The following MYL7 variants were observed in gnomAD, a reference collection of about 807,000 sequenced individuals.
MYL7 encodes the protein myosin light chain 7, also known as myosin regulatory light chain 2, atrial isoform.
Under a neutral mutation model 22.5 loss-of-function variants are expected in MYL7, and 27 were observed. The ratio of observed to expected loss-of-function variants is 1.20; its 90% CI spans 0.89 to 1.66. MYL7 has a LOEUF of 1.66. Among genes scored for constraint, MYL7 ranks in the 40% most tolerant of loss-of-function variants. The pLI is 0.00. For missense variants in MYL7, 209 were observed against 226.8 expected (o/e 0.92, Z 0.50); for synonymous variants, 81 against 84.4 (o/e 0.96, Z 0.22).
rs945125828 is a variant in MYL7 at position 44,140,289 on chromosome 7, T to C, written c.298+34A>G. Reference sequence around the variant, plus strand: ...TCAGGCAGGGTGCAGGCTCCCTGCCTGGCCAAGGGTGCCCAGCTCTGTCCC... The same window carrying C: ...TCAGGCAGGGTGCAGGCTCCCTGCCCGGCCAAGGGTGCCCAGCTCTGTCCC... On this transcript the variant is annotated intron_variant, in intron 4 of 6. Coordinates refer to ENST00000223364, the MANE Select transcript of MYL7 (RefSeq NM_021223.3). 1.9e-6 allele frequency: 3 copies of C among 1,589,954 alleles called. No individual in the cohort carries two copies. The African/African-American group carries it at 4.0e-5, about 21-fold the overall frequency.
intron 4 of MYL7, 131 bp downstream of exon 4, chr7:44,140,191 GT>G: frequency 1.4e-6 from 1 of 730,072 alleles, no homozygotes; most frequent in Non-Finnish European, 2.3e-6. Context: ...GTGGGTCCAG[GT>G]GGGGTTCAGT....
rs1443366481 is a variant in MYL7, at chr7:44,139,688, G to T, written c.377+94C>A. ...GGCTGCACCCCAAAGAGCAGTGTAA[G>T]GCCCCGAAGCACAGGCAGCCCCCCT... On this transcript the variant is annotated intron_variant, in intron 5 of 6. Transcript: ENST00000223364. The T allele has an allele frequency of 8.9e-6, 14 of 1,573,874 alleles. No homozygotes were observed. In the East Asian group the frequency reaches 2.7e-4, roughly 30 times the overall value.
At chr7:44,141,149 T>C (rs2096265196) in intron 1 of MYL7, 75 bp from the exon 2 acceptor site, 1 of 1,564,974 alleles carries the variant, frequency 6.4e-7, no homozygotes, top group Admixed American at 1.7e-5. Context: ...TCATGCACAG[T>C]CCCAGAGCAT....
At position 44,140,763 on chromosome 7, in the gene MYL7, G is replaced by T. The variant is rs1039444400; in HGVS notation, c.142C>A (p.Arg48Ser). The change falls in exon 3 of 7, where the codon CGT becomes AGT. Residue 48 changes from arginine to serine, a missense_variant. Transcript: ENST00000223364. ...TCTGCCTTGCAGATGATGCCATCAC[G>T]ATTCTGGTCGATACAGCTGAAGGCC... ...KEAFSCIDQN[R>S]DGIICKADLR... 1.9e-6 allele frequency: 3 copies of T among 1,613,074 alleles called. No homozygotes were observed. The highest frequency in any genetic ancestry group is 2.7e-5 in the African/African-American group (2 of 74,844).
intron 4 of MYL7, 55 bp from the exon 5 acceptor site, chr7:44,139,915 C>G: frequency 6.6e-7 from 1 of 1,519,748 alleles, no homozygotes; most frequent in Non-Finnish European, 8.9e-7. Flanking sequence ...CCCAGGTCCC[C>G]CGCAGGAGGA....
At chr7:44,140,166 C>G (rs741033) in intron 4 of MYL7, among the ~76,000 whole-genome samples, 157 bp downstream of exon 4, 39,327 of 151,726 alleles carry the variant, frequency 0.26, 5,546 homozygotes, top group Non-Finnish European at 0.32. Flanking sequence ...TGGGTCATGG[C>G]CAGGAAGAGT....
chr7:44,141,134 A>C, intron 1 of MYL7, 60 bp from the exon 2 acceptor site: 3 of 1,573,572 alleles, frequency 1.9e-6, no homozygotes, highest in Admixed American at 1.7e-5. Context: ...TCCCCACCCC[A>C]CCCATCATGC....
rs575885460 is a variant in MYL7 at position 44,139,635 on chromosome 7, G to A, written c.378-66C>T. 6.4e-5 allele frequency: 101 copies of A among 1,575,908 alleles called. No individual in the cohort carries two copies. The South Asian group carries it at 7.0e-4, about 11-fold the overall frequency. ...GTGACTGCACAGGGAAGGTGGGTAC[G>A]GAGGCTCCCATGGCGCAGGGAAGGG... On this transcript the variant is annotated intron_variant, in intron 5 of 6. Coordinates refer to ENST00000223364, the MANE Select transcript of MYL7 (RefSeq NM_021223.3).
intron 5 of MYL7, 102 bp downstream of exon 5, chr7:44,139,679 GC>G: frequency 6.4e-6 from 10 of 1,563,864 alleles, no homozygotes; most frequent in Non-Finnish European, 7.8e-6. Context: ...ACCCCAAAGA[GC>G]AGTGTAAGGC....
intron 3 of MYL7, 122 bp from the exon 4 acceptor site, chr7:44,140,549 A>G (rs769547866): frequency 8.7e-7 from 1 of 1,150,804 alleles, no homozygotes; most frequent in Non-Finnish European, 1.2e-6. Flanking sequence ...TGGGTCGGGA[A>G]GGTGAAGTGG....
rs755832896 is a variant in MYL7 at position 44,140,370 on chromosome 7, G to C, written c.251C>G (p.Pro84Arg). The C allele has an allele frequency of 3.1e-6, 5 of 1,613,924 alleles. No individual in the cohort carries two copies. The highest frequency in any genetic ancestry group is 4.2e-6 in the Non-Finnish European group (5 of 1,179,984). ...LDAMLQEGKG[P>R]INFTVFLTLF... is the part of the protein sequence containing the mutation. ...CGTGAGGAAGACGGTGAAGTTGATG[G>C]GGCCCTTGCCCTCTTGCAGCATGGC... Residue 84 changes from proline to arginine, a missense_variant, in exon 4 of 7, where the codon CCC becomes CGC. Physicochemically the swap from Pro to Arg is moderately radical, Grantham distance 103. Coordinates refer to ENST00000223364, the MANE Select transcript of MYL7 (RefSeq NM_021223.3).
rs774782263 is a variant in MYL7, at chr7:44,141,083, CTG to C, written c.4-11_4-10del. ...CCCGCCTTCCTGCTGGCCTGCAACA[CTG>C]TGAGTAGGGAGGGGTCCTCTCCCCA... On this transcript the variant is annotated splice_polypyrimidine_tract_variant and intron_variant, in intron 1 of 6. Transcript: ENST00000223364. 2 of 1,613,640 alleles carry C rather than the reference CTG, an allele frequency of 1.2e-6. No individual in the cohort carries two copies. Among genetic ancestry groups the C allele is most frequent in the Non-Finnish European group, 1.7e-6 (2 of 1,179,614 alleles).
chr7:44,139,901 G>A, intron 4 of MYL7, 41 bp from the exon 5 acceptor site: 1 of 1,560,856 alleles, frequency 6.4e-7, no homozygotes, highest in East Asian at 2.3e-5. Flanking sequence ...CATGTCTCCA[G>A]CATCCCAGGT....
rs2096264556 is a variant in MYL7 at position 44,140,781 on chromosome 7, T to C, written c.124A>G (p.Ser42Gly). The C allele has an allele frequency of 6.2e-7, 1 of 1,612,758 alleles. No homozygotes were observed. The highest frequency in any genetic ancestry group is 1.7e-5 in the Admixed American group (1 of 59,906). ...CCATCACGATTCTGGTCGATACAGC[T>C]GAAGGCCTGTGGGATGGGGGCCTTC... The part of the protein sequence containing the change: ...AQIQEFKEAF[S>G]CIDQNRDGII... Residue 42 changes from serine to glycine, a missense_variant, in exon 3 of 7, where the codon AGC (serine) becomes GGC (glycine). Physicochemically the swap from Ser to Gly is moderately conservative, Grantham distance 56. Coordinates refer to ENST00000223364, the MANE Select transcript of MYL7 (RefSeq NM_021223.3).
At chr7:44,140,070 G>T (rs1300855402) in intron 4 of MYL7, among the ~76,000 whole-genome samples, 1 of 152,170 alleles carries the variant, frequency 6.6e-6, no homozygotes, top group East Asian at 1.9e-4. Flanking sequence ...TTTGGGGGTG[G>T]GGGCTGAAGG....
chr7:44,140,761 A>T lies in MYL7; in HGVS notation c.144T>A (p.Arg48=). 6.2e-7 allele frequency: 1 copy of T among 1,613,092 alleles called. No individual in the cohort carries two copies. Among genetic ancestry groups the T allele is most frequent in the Non-Finnish European group, 8.5e-7 (1 of 1,179,684 alleles). The change falls in exon 3 of 7, where the codon CGT becomes CGA. Residue 48 remains arginine, a synonymous_variant. Coordinates refer to ENST00000223364, the MANE Select transcript of MYL7 (RefSeq NM_021223.3). ...KEAFSCIDQN[R]DGIICKADLR... ...GGTCTGCCTTGCAGATGATGCCATC[A>T]CGATTCTGGTCGATACAGCTGAAGG...
In MYL7 at chr7:44,138,969, G is replaced by T. The variant is rs750931804; in HGVS notation, c.480C>A (p.Tyr160Ter). ...TPMDLAGNID[Y>*]KSLCYIITHG... ...GGGTGATGATGTAGCACAGTGACTT[G>T]TAGTCGATGTTCCCCGCCAGGTCCA... is the stretch of plus-strand genomic sequence containing the variant. Residue 160 changes from tyrosine (Y) to a stop codon, truncating the protein, a stop_gained, in exon 7 of 7, where the codon TAC becomes TAA. Coordinates refer to ENST00000223364, the MANE Select transcript of MYL7 (RefSeq NM_021223.3). LOFTEE classifies it high-confidence loss of function. 1 of 1,614,130 alleles carries T rather than the reference G, an allele frequency of 6.2e-7. No individual in the cohort carries two copies. Among genetic ancestry groups the T allele is most frequent in the South Asian group, 1.1e-5 (1 of 91,092 alleles).
intron 2 of MYL7, 70 bp downstream of exon 2, chr7:44,140,891 G>T (rs572400708): frequency 2.5e-6 from 4 of 1,581,232 alleles, no homozygotes; most frequent in East Asian, 2.3e-5. Flanking sequence ...AGGGTAGAAG[G>T]GGGGTATGTA....
chr7:44,140,912 G>A, intron 2 of MYL7, 49 bp downstream of exon 2: 1 of 1,563,942 alleles, frequency 6.4e-7, no homozygotes, highest in South Asian at 1.1e-5. Flanking sequence ...TGTGGGGTGG[G>A]GTGGGGGGGC....
Sources: gnomAD v4.1 joint callset for allele counts (sites outside exome capture counted in the v4.1 genomes callset) on GRCh38, gnomAD v4.1.1 for gene constraint, MANE v1.5 for transcripts, NCBI Gene and HGNC (gene_info 2026-07-23, HGNC 2026-07-21) for gene names.